The following SHROOM3 variants were observed in gnomAD, a reference collection of about 807,000 sequenced individuals.
SHROOM3 encodes protein Shroom3.
SHROOM3 carries 47 observed loss-of-function variants against 138.6 expected under a neutral mutation model. The ratio of observed to expected loss-of-function variants is 0.34; its 90% CI spans 0.27 to 0.43. The LOEUF (loss-of-function observed/expected upper bound fraction) is 0.43, where lower values mean the gene tolerates loss of function less well. SHROOM3 is among the 20% of genes least tolerant of loss of function. The probability of loss-of-function intolerance (pLI) is 1.00; values close to 1 mark genes in which losing one functional copy is unlikely to be tolerated. For missense variants in SHROOM3, 2,491 were observed against 2,596.5 expected, an observed-to-expected ratio of 0.96 and a Z score of 0.88; for synonymous variants, 1,062 against 1,063.3, an observed-to-expected ratio of 1.00 and a Z score of 0.02.
chr4:76,454,506 A>G (rs543612640), intron 1 of SHROOM3, among the ~76,000 whole-genome samples: 61 of 152,202 alleles, frequency 4.0e-4, no homozygotes, highest in African/African-American at 1.4e-3. Flanking sequence ...TCTCTATTCT[A>G]TTGTATTGGT....
chr4:76,641,777 T>C (rs904871257), intron 2 of SHROOM3, among the ~76,000 whole-genome samples: 1 of 152,178 alleles, frequency 6.6e-6, no homozygotes, highest in African/African-American at 2.4e-5. Context: ...CCTCAATGCA[T>C]TGGCCTCAAA....
intron 2 of SHROOM3, among the ~76,000 whole-genome samples, chr4:76,641,812 C>T (rs1735677204): frequency 1.3e-5 from 2 of 152,134 alleles, no homozygotes; most frequent in Non-Finnish European, 2.9e-5. Flanking sequence ...AGATTACTGT[C>T]CCCGACCAGT....
At chr4:76,654,906 C>G (rs1307381143) in intron 2 of SHROOM3, among the ~76,000 whole-genome samples, 2 of 152,152 alleles carry the variant, frequency 1.3e-5, no homozygotes, top group African/African-American at 4.8e-5. Context: ...AGTCACACAG[C>G]TATTGAGTAG....
intron 3 of SHROOM3, chr4:76,716,452 A>G (rs536675781): frequency 7.7e-6 from 4 of 518,540 alleles, no homozygotes; most frequent in South Asian, 5.6e-5. Flanking sequence ...AGAATCTTTC[A>G]TTGCAGGATC....
At chr4:76,522,628 T>C (rs1445030965) in intron 1 of SHROOM3, among the ~76,000 whole-genome samples, 1 of 152,030 alleles carries the variant, frequency 6.6e-6, no homozygotes, top group Non-Finnish European at 1.5e-5. Context: ...ATCCCATCTC[T>C]ACTAAAAATA....
At chr4:76,468,256 A>G (rs973190430) in intron 1 of SHROOM3, among the ~76,000 whole-genome samples, 2 of 152,234 alleles carry the variant, frequency 1.3e-5, no homozygotes. Context: ...ATGTAAATTA[A>G]TACAGTACCT....
At position 76,547,083 on chromosome 4, in the gene SHROOM3, T is replaced by TA. The variant is rs1379849241; in HGVS notation, c.169-8524dup. Among the ~76,000 whole-genome samples the TA allele has an allele frequency of 2.0e-5, 3 of 152,368 alleles. No homozygotes were observed. In the East Asian group the frequency reaches 5.8e-4, roughly 29 times the overall value. On this transcript the variant is annotated intron_variant, in intron 1 of 10. Coordinates refer to ENST00000296043, the MANE Select transcript of SHROOM3 (RefSeq NM_020859.4). ...CTCATGTGTAAGCTGTGAATGCTGT[T>TA]AAGCCTGTAAACCACTATAATAGGT...
At chr4:76,693,424 C>T (rs1174875664) in intron 2 of SHROOM3, among the ~76,000 whole-genome samples, 2 of 123,690 alleles carry the variant, frequency 1.6e-5, no homozygotes, top group South Asian at 5.4e-4. Flanking sequence ...TGCTGTGTTG[C>T]CCAGGCTGGA....
chr4:76,631,771 T>G (rs1735331629), intron 2 of SHROOM3, among the ~76,000 whole-genome samples: 1 of 152,234 alleles, frequency 6.6e-6, no homozygotes, highest in Non-Finnish European at 1.5e-5. Context: ...ATTATCAACT[T>G]TATTTCTTGA....
chr4:76,606,711 A>T (rs74574131), intron 2 of SHROOM3, among the ~76,000 whole-genome samples: 1 of 151,946 alleles, frequency 6.6e-6, no homozygotes, highest in Non-Finnish European at 1.5e-5. Flanking sequence ...TCAAAAAATA[A>T]ATACATACAT....
chr4:76,668,654 T>C (rs1718789597), intron 2 of SHROOM3, among the ~76,000 whole-genome samples: 2 of 152,178 alleles, frequency 1.3e-5, no homozygotes, highest in Non-Finnish European at 2.9e-5. Flanking sequence ...AAGCGTATTG[T>C]GAATGATAGG....
chr4:76,754,492 G>C lies in SHROOM3; in HGVS notation c.4009G>C (p.Ala1337Pro). The change falls in exon 7 of 11, where the codon GCA (alanine) becomes CCA (proline). Residue 1337 changes from alanine to proline, a missense_variant. Coordinates refer to ENST00000296043, the MANE Select transcript of SHROOM3 (RefSeq NM_020859.4). ...GACACCCTGCCCCAGGCCACCACTG[G>C]CAGGAACGCAAGGGCTGGTCACAGA... ...SRTPCPRPPLAGTQGLVTDTR... is the reference protein window; with the variant it reads ...SRTPCPRPPLPGTQGLVTDTR... 1.2e-6 allele frequency: 2 copies of C among 1,614,082 alleles called. No individual in the cohort carries two copies. Among genetic ancestry groups the C allele is most frequent in the Non-Finnish European group, 1.7e-6 (2 of 1,179,990 alleles).
chr4:76,447,275 T>G (rs1366970338), intron 1 of SHROOM3, among the ~76,000 whole-genome samples: 1 of 152,210 alleles, frequency 6.6e-6, no homozygotes, highest in Admixed American at 6.5e-5. Flanking sequence ...TATATTAAAG[T>G]GTATCCTGAG....
rs546159524 is a variant in SHROOM3 at position 76,592,288 on chromosome 4, T to C, written c.323+36525T>C. 1.3e-3 allele frequency among the ~76,000 whole-genome samples: 205 copies of C among 152,198 alleles called. 2 individuals carry two copies. Among genetic ancestry groups the C allele is most frequent in the Admixed American group, 0.013 (204 of 15,286 alleles). On this transcript the variant is annotated intron_variant, in intron 2 of 10. Coordinates refer to ENST00000296043, the MANE Select transcript of SHROOM3 (RefSeq NM_020859.4). ...GTGGGTCACTGGGAGGCAGTTAGCT[T>C]TTACTCTGAAAAAATCCTAGGAGAA...
At position 76,554,620 on chromosome 4, in the gene SHROOM3, C is replaced by T. The variant is rs186183220; in HGVS notation, c.169-989C>T. On this transcript the variant is annotated intron_variant, in intron 1 of 10. Transcript: ENST00000296043. ...TATTTTTAGTAGAGATGGGGTTTCA[C>T]CGTGTTAGCCAGGATGGTCTCGATC... Among the ~76,000 whole-genome samples the T allele has an allele frequency of 8.5e-5, 13 of 152,052 alleles. No individual in the cohort carries two copies. In the East Asian group the frequency reaches 2.3e-3, roughly 27 times the overall value.
At chr4:76,776,873 T>C (rs1273606470) in intron 10 of SHROOM3, among the ~76,000 whole-genome samples, 5 of 152,202 alleles carry the variant, frequency 3.3e-5, no homozygotes, top group African/African-American at 1.2e-4. Context: ...CTTCACTTTG[T>C]TTTTGTTTGC....
At chr4:76,645,967 A>G (rs1438526752) in intron 2 of SHROOM3, among the ~76,000 whole-genome samples, 2 of 152,014 alleles carry the variant, frequency 1.3e-5, no homozygotes, top group East Asian at 3.9e-4. Context: ...CTTCTCTGAT[A>G]CATTTTCCAA....
Position 76,778,887 on chromosome 4 carries a change from A to T in SHROOM3, c.5701A>T (p.Arg1901Trp). 4.3e-6 allele frequency: 7 copies of T among 1,613,366 alleles called. No individual in the cohort carries two copies. The highest frequency in any genetic ancestry group is 5.9e-6 in the Non-Finnish European group (7 of 1,180,036). ...ARELKENLDRRERVVLGILAN... is the reference protein window; with the variant it reads ...ARELKENLDRWERVVLGILAN... Reference sequence around the variant, plus strand: ...GGAGCTGAAGGAGAACCTGGATCGCAGGGAGCGAGTAGTGCTGGGCATCTT... The same window carrying T: ...GGAGCTGAAGGAGAACCTGGATCGCTGGGAGCGAGTAGTGCTGGGCATCTT... The change falls in exon 11 of 11, where the codon AGG becomes TGG. Residue 1901 changes from arginine (R) to tryptophan (W), a missense_variant. This residue lies in a region of SHROOM3 where 470 missense variants were observed against 595.0 expected (regional missense o/e 0.79). Coordinates refer to ENST00000296043, the MANE Select transcript of SHROOM3 (RefSeq NM_020859.4).
intron 1 of SHROOM3, among the ~76,000 whole-genome samples, chr4:76,520,473 C>T (rs983999785): frequency 2.0e-5 from 3 of 152,054 alleles, no homozygotes; most frequent in Non-Finnish European, 4.4e-5. Flanking sequence ...AAGGTATTAT[C>T]CCCATTTTAC....
Sources: gnomAD v4.1 joint callset for allele counts (sites outside exome capture counted in the v4.1 genomes callset) on GRCh38, gnomAD v4.1.1 for gene constraint, gnomAD v4.1.1 regional missense constraint, MANE v1.5 for transcripts, NCBI Gene and HGNC (gene_info 2026-07-23, HGNC 2026-07-21) for gene names.